DNAH3: variants seen among roughly 807,000 people sequenced by gnomAD.
DNAH3 encodes axonemal beta dynein heavy chain 3.
DNAH3 carries 332 observed loss-of-function variants against 432.5 expected under a neutral mutation model. The ratio of observed to expected loss-of-function variants is 0.77; its 90% confidence interval spans 0.70 to 0.84. The LOEUF is 0.84. Among genes scored for constraint, DNAH3 ranks in the 40% least tolerant of loss-of-function variants. DNAH3 has a pLI of 0.00. For missense variants in DNAH3, 4,861 were observed against 5,114.0 expected (o/e 0.95, Z 1.51); for synonymous variants, 1,956 against 1,900.2 (o/e 1.03, Z -0.76).
chr16:20,935,990 C>T (rs1265612814), intron 60 of DNAH3, among the ~76,000 whole-genome samples: 3 of 152,128 alleles, frequency 2.0e-5, no homozygotes, highest in African/African-American at 7.2e-5. Flanking sequence ...CATGCGAGAA[C>T]GCAGGTGCAT....
rs533146033 is a variant in DNAH3 at position 21,077,885 on chromosome 16, T to C, written c.2970-2324A>G. ...TCACAGAGCCAGGGAGTCCTGGAACTGGGTATTGACACCAATTCCTCCTAA... is the reference window on the plus strand; with the variant it reads ...TCACAGAGCCAGGGAGTCCTGGAACCGGGTATTGACACCAATTCCTCCTAA... On this transcript the variant is annotated intron_variant, in intron 20 of 61. Coordinates refer to ENST00000261383, the Ensembl canonical transcript of DNAH3. Among the ~76,000 whole-genome samples, 9 of 152,296 alleles carry C rather than the reference T, an allele frequency of 5.9e-5. No individual in the cohort carries two copies. In the East Asian group the frequency reaches 1.5e-3, roughly 26 times the overall value.
chr16:21,052,384 C>G lies in DNAH3; in HGVS notation c.4040-516G>C, dbSNP rs1179276587. 7.9e-5 allele frequency among the ~76,000 whole-genome samples: 12 copies of G among 152,196 alleles called. 1 individual carries two copies. The South Asian group carries it at 2.5e-3, about 31-fold the overall frequency. On this transcript the variant is annotated intron_variant, in intron 28 of 61. Coordinates refer to ENST00000261383, the Ensembl canonical transcript of DNAH3. ...AGCTGGTCTTTGCTTTCTCCCAAAG[C>G]CAGGCAGAGAATCTGCTGCACTATC...
intron 7 of DNAH3, among the ~76,000 whole-genome samples, chr16:21,132,786 T>C (rs2092584759): frequency 6.6e-6 from 1 of 152,132 alleles, no homozygotes; most frequent in Non-Finnish European, 1.5e-5. Flanking sequence ...TTTGGGGTAA[T>C]GATAATACTC....
chr16:21,151,559 G>A (rs2092853367), intron 1 of DNAH3, among the ~76,000 whole-genome samples: 1 of 152,062 alleles, frequency 6.6e-6, no homozygotes. Context: ...GCCTCCCAAA[G>A]TGTGGGATTA....
intron 48 of DNAH3, among the ~76,000 whole-genome samples, chr16:20,984,754 A>G (rs539882107): frequency 6.6e-6 from 1 of 152,086 alleles, no homozygotes; most frequent in South Asian, 2.1e-4. Flanking sequence ...AATCACAGCT[A>G]CTCAGGAGGC....
intron 21 of DNAH3, among the ~76,000 whole-genome samples, chr16:21,072,433 TCTC>T (rs770381192): frequency 1.3e-5 from 2 of 151,776 alleles, no homozygotes; most frequent in Admixed American, 6.6e-5. Context: ...TTCAATTCAT[TCTC>T]CTGCCTCAGC....
intron 26 of DNAH3, among the ~76,000 whole-genome samples, chr16:21,058,450 T>C (rs1010945258): frequency 6.6e-6 from 1 of 152,182 alleles, no homozygotes; most frequent in Non-Finnish European, 1.5e-5. Flanking sequence ...TTATCAAATT[T>C]TTCCATAGTT....
intron 57 of DNAH3, among the ~76,000 whole-genome samples, chr16:20,947,470 G>T (rs2084100818): frequency 6.6e-6 from 1 of 152,198 alleles, no homozygotes; most frequent in African/African-American, 2.4e-5. Flanking sequence ...ACGTGAAGCT[G>T]GTTGGTCAGT....
intron 21 of DNAH3, among the ~76,000 whole-genome samples, chr16:21,072,573 T>A (rs1412691739): frequency 6.6e-6 from 1 of 152,066 alleles, no homozygotes; most frequent in African/African-American, 2.4e-5. Context: ...GTGATCTGCC[T>A]GCCTCAGCCT....
At chr16:21,134,208 C>G (rs913028705) in intron 7 of DNAH3, 51 bp downstream of exon 8, 2 of 1,555,310 alleles carry the variant, frequency 1.3e-6, no homozygotes, top group Non-Finnish European at 1.8e-6. Context: ...CTTGCTTACA[C>G]GTGGATGTGG....
chr16:21,134,244 G>A lies in DNAH3; in HGVS notation c.1082+15C>T, dbSNP rs1373253602. The A allele has an allele frequency of 6.2e-7, 1 of 1,601,490 alleles. No individual in the cohort carries two copies. Among genetic ancestry groups the A allele is most frequent in the African/African-American group, 1.3e-5 (1 of 74,374 alleles). On this transcript the variant is annotated intron_variant, in intron 7 of 61. Transcript: ENST00000261383. Reference sequence around the variant, plus strand: ...TCAAGAAAGGGAATGAAAAAAAAAGGGAGGGACTTCTTACTCTGCAAACCA... The same window carrying A: ...TCAAGAAAGGGAATGAAAAAAAAAGAGAGGGACTTCTTACTCTGCAAACCA...
chr16:21,009,001 G>A (rs1190345114), intron 41 of DNAH3, among the ~76,000 whole-genome samples: 1 of 152,190 alleles, frequency 6.6e-6, no homozygotes, highest in African/African-American at 2.4e-5. Flanking sequence ...TAAATCTGGT[G>A]CAACACTTTT....
intron 17 of DNAH3, 67 bp downstream of exon 17, chr16:21,098,549 T>C: frequency 6.7e-7 from 1 of 1,499,054 alleles, no homozygotes; most frequent in Non-Finnish European, 8.9e-7. Flanking sequence ...AATAGGAAAT[T>C]CACAACCAAG....
At chr16:21,125,257 A>C (rs765080530) in exon 9 of DNAH3, 4 of 1,613,828 alleles carry the variant, frequency 2.5e-6, no homozygotes, top group Non-Finnish European at 3.4e-6. Context: ...GAATGATGCC[A>C]CAGAAGCAAA....
intron 24 of DNAH3, among the ~76,000 whole-genome samples, chr16:21,065,472 T>C (rs1389770815): frequency 6.6e-6 from 1 of 152,118 alleles, no homozygotes; most frequent in Non-Finnish European, 1.5e-5. Flanking sequence ...ATTATTCATA[T>C]TTTAATTAGG....
chr16:20,935,351 A>T, exon 61 of DNAH3: 1 of 1,614,030 alleles, frequency 6.2e-7, no homozygotes, highest in Non-Finnish European at 8.5e-7. Context: ...CCCCTACCTC[A>T]AACTCAAATC....
intron 57 of DNAH3, among the ~76,000 whole-genome samples, chr16:20,947,491 G>C (rs754374830): frequency 6.6e-6 from 1 of 152,168 alleles, no homozygotes; most frequent in Non-Finnish European, 1.5e-5. Flanking sequence ...TCTTGAGGCT[G>C]GGACTTGTGA....
intron 7 of DNAH3, among the ~76,000 whole-genome samples, chr16:21,131,447 GAAGGA>G (rs1306720002): frequency 6.3e-5 from 8 of 127,732 alleles, no homozygotes; most frequent in Non-Finnish European, 1.1e-4. Flanking sequence ...AAGAAAGAAA[GAAGGA>G]AAGAAAGGAA....
chr16:21,098,271 CT>C (rs1263265964), intron 17 of DNAH3, among the ~76,000 whole-genome samples: 3 of 151,562 alleles, frequency 2.0e-5, no homozygotes, highest in African/African-American at 7.3e-5. Flanking sequence ...GCAAAACTCT[CT>C]ATTAAAAATA....
Sources: allele counts gnomAD v4.1 joint callset (sites outside exome capture counted in the v4.1 genomes callset), GRCh38; gene constraint gnomAD v4.1.1; transcripts MANE v1.5; gene names NCBI Gene and HGNC (gene_info 2026-07-23, HGNC 2026-07-21).